The following SGSH variants were observed in gnomAD, a reference collection of about 807,000 sequenced individuals.
SGSH encodes the protein N-sulfoglucosamine sulfohydrolase.
A neutral mutation model predicts 51.0 loss-of-function variants in SGSH; 48 were observed. That is an observed-to-expected ratio of 0.94 (90% confidence interval 0.75 to 1.20). SGSH has a LOEUF of 1.20. Among genes scored for constraint, SGSH ranks in the 50% most tolerant of loss-of-function variants. The pLI is 0.00. For synonymous variants in SGSH, 321 were observed against 313.4 expected (o/e 1.02, Z -0.26); for missense variants, 662 against 717.8 (o/e 0.92, Z 0.89).
chr17:80,203,385 C>T (rs1380332916), downstream of SGSH: 2 of 171,980 alleles, frequency 1.2e-5, no homozygotes, highest in African/African-American at 4.8e-5. The surrounding 1 kb of genome is among the most constrained non-coding windows in gnomAD (Gnocchi z 4.6). Flanking sequence ...GCTCAGCACC[C>T]CCATCACTCA....
downstream of SGSH, chr17:80,204,326 C>T: frequency 1.3e-6 from 2 of 1,581,060 alleles, no homozygotes; most frequent in Non-Finnish European, 1.7e-6. Context: ...CCAGTTGGAC[C>T]CCAGCAGGAT....
Position 80,217,081 on chromosome 17 carries a change from A to G in SGSH, c.200T>C (p.Val67Ala). The change falls in exon 2 of 8, where the codon GTC becomes GCC. Residue 67 changes from valine (V) to alanine (A), a missense_variant. Val to Ala is a moderately conservative substitution (Grantham distance 64). Coordinates refer to ENST00000326317, the MANE Select transcript of SGSH (RefSeq NM_000199.5). The stretch of plus-strand genomic sequence containing the variant: ...GGCGCGGCTGGGAGAGCAGCTGCTG[A>G]CCGAGGTGAAGGCATTGCGAAAGAG... Reference protein sequence around the residue: ...SLLFRNAFTSVSSCSPSRASL... With the variant: ...SLLFRNAFTSASSCSPSRASL... The G allele has an allele frequency of 6.3e-7, 1 of 1,599,692 alleles. No homozygotes were observed. The highest frequency in any genetic ancestry group is 8.5e-7 in the Non-Finnish European group (1 of 1,175,170).
chr17:80,212,365 G>A lies in SGSH; in HGVS notation c.746-91C>T, dbSNP rs2041704365. On this transcript the variant is annotated intron_variant, in intron 6 of 7. Coordinates refer to ENST00000326317, the MANE Select transcript of SGSH (RefSeq NM_000199.5). The surrounding 1 kb of genome is among the most constrained non-coding windows in gnomAD (Gnocchi z 5.9). ...GTAGACCCACCTGCTGCTGCATCCGGCCGCTGGGCTCCAGCGCTTTCCGGA... is the reference window on the plus strand; with the variant it reads ...GTAGACCCACCTGCTGCTGCATCCGACCGCTGGGCTCCAGCGCTTTCCGGA... 8 of 1,143,832 alleles carry A rather than the reference G, an allele frequency of 7.0e-6. No individual in the cohort carries two copies. Among genetic ancestry groups the A allele is most frequent in the Non-Finnish European group, 1.0e-5 (8 of 780,512 alleles). The allele number at this position is 1,143,832 out of a possible 1,614,324, so 70.9% of individuals were successfully genotyped here.
chr17:80,203,802 G>A, downstream of SGSH: 1 of 1,557,044 alleles, frequency 6.4e-7, no homozygotes, highest in Non-Finnish European at 8.7e-7. This position sits in a 1 kb window ranked among gnomAD's most constrained non-coding sequence, Gnocchi z 4.6. Flanking sequence ...CTGGGTCAGG[G>A]CCTCTGCTGG....
downstream of SGSH, chr17:80,205,598 G>A (rs1377521059): frequency 1.3e-6 from 2 of 1,571,044 alleles, no homozygotes; most frequent in Non-Finnish European, 1.7e-6. Context: ...AGGGAGAGGT[G>A]TCCGGGGGCC....
chr17:80,215,041 A>C lies in SGSH; in HGVS notation c.347T>G (p.Val116Gly), dbSNP rs148347556. Residue 116 changes from valine to glycine, a missense_variant, in exon 3 of 8, where the codon GTG (valine) becomes GGG (glycine). Val to Gly is a moderately radical substitution (Grantham distance 109, BLOSUM62 -3). Transcript: ENST00000326317. The part of the protein sequence containing the change: ...SLPLLLSQAG[V>G]RTGIIGKKHV... The stretch of plus-strand genomic sequence containing the variant: ...CGGCACGGGGTCCTCACCTGTGCGC[A>C]CACCAGCTTGGCTGAGCAGCAGCGG... 1.2e-6 allele frequency: 2 copies of C among 1,610,566 alleles called. No individual in the cohort carries two copies. Among genetic ancestry groups the C allele is most frequent in the Non-Finnish European group, 1.7e-6 (2 of 1,179,776 alleles).
chr17:80,201,567 G>A, the SGSH span: 40 of 673,426 alleles, frequency 5.9e-5, no homozygotes, highest in Non-Finnish European at 9.0e-5. The surrounding 1 kb of genome is among the most constrained non-coding windows in gnomAD (Gnocchi z 5.0). Flanking sequence ...CATCACTAGA[G>A]GTGTGAAGGC....
At chr17:80,203,692 G>A (rs1015926103), downstream of SGSH, 39 of 639,624 alleles carry the variant, frequency 6.1e-5, no homozygotes, top group African/African-American at 6.7e-4. The surrounding 1 kb of genome is among the most constrained non-coding windows in gnomAD (Gnocchi z 4.6). Flanking sequence ...GCAAAGGGAT[G>A]TGTGGAGCTC....
chr17:80,210,960 G>A lies in SGSH; in HGVS notation c.1001C>T (p.Ala334Val), dbSNP rs2041629981. 1 of 1,602,266 alleles carries A rather than the reference G, an allele frequency of 6.2e-7. No individual in the cohort carries two copies. Among genetic ancestry groups the A allele is most frequent in the Non-Finnish European group, 8.5e-7 (1 of 1,179,890 alleles). ...DWFSIPYPSYAIFGSKTIHLT... is the reference protein window; with the variant it reads ...DWFSIPYPSYVIFGSKTIHLT... Reference sequence around the variant, plus strand: ...GTGGATGGTCTTCGAGCCAAAGATGGCGTAGCTGGGGTACGGGATCGAGAA... The same window carrying A: ...GTGGATGGTCTTCGAGCCAAAGATGACGTAGCTGGGGTACGGGATCGAGAA... The change falls in exon 8 of 8, where the codon GCC becomes GTC. Residue 334 changes from alanine to valine, a missense_variant. By Grantham distance (64) the Ala-to-Val change is moderately conservative. Transcript: ENST00000326317.
At chr17:80,211,769 G>A in intron 7 of SGSH, 1 of 465,342 alleles carries the variant, frequency 2.1e-6, no homozygotes. Flanking sequence ...ATATTAACAA[G>A]CATCCCAGGT....
intron 4 of SGSH, 48 bp downstream of exon 4, chr17:80,214,567 C>T (rs374110235): frequency 3.1e-6 from 5 of 1,587,746 alleles, no homozygotes; most frequent in Non-Finnish European, 4.3e-6. Context: ...CCGGGCTGTG[C>T]TCTGGTACCG....
downstream of SGSH, chr17:80,203,850 C>T: frequency 6.3e-7 from 1 of 1,593,892 alleles, no homozygotes; most frequent in Non-Finnish European, 8.5e-7. The surrounding 1 kb of genome is among the most constrained non-coding windows in gnomAD (Gnocchi z 4.6). Context: ...AGCCCTCATC[C>T]AGGACATGAC....
chr17:80,206,789 A>C, downstream of SGSH: 1 of 412,444 alleles, frequency 2.4e-6, no homozygotes, highest in Non-Finnish European at 4.3e-6. Flanking sequence ...AATAAAAATA[A>C]AAAAAAGAGA....
intron 7 of SGSH, 40 bp from the exon 8 acceptor site, chr17:80,211,051 G>A: frequency 6.3e-7 from 1 of 1,597,022 alleles, no homozygotes; most frequent in Non-Finnish European, 8.5e-7. Context: ...AGAGCCCTCA[G>A]CACACAGGAG....
chr17:80,217,964 A>AT (rs1354257796), intron 1 of SGSH, among the ~76,000 whole-genome samples: 1 of 151,870 alleles, frequency 6.6e-6, no homozygotes, highest in African/African-American at 2.4e-5. Flanking sequence ...GTACCCAGGC[A>AT]AGCCTGGTAC....
In SGSH at chr17:80,209,351, C is replaced by T. The variant is rs960292450; in HGVS notation, c.*1101G>A. On this transcript the variant is annotated 3_prime_UTR_variant, in exon 8 of 8. Coordinates refer to ENST00000326317, the MANE Select transcript of SGSH (RefSeq NM_000199.5). ...ACAATAGCTGGCCTGTGGCCTCCTC[C>T]AGCCCACCCCAGTATGGAGTGATAG... 1.4e-5 allele frequency: 14 copies of T among 985,268 alleles called. No homozygotes were observed. Among genetic ancestry groups the T allele is most frequent in the Non-Finnish European group, 1.6e-5 (13 of 829,918 alleles). The allele number at this position is 985,268 out of a possible 1,614,324, so 61.0% of individuals were successfully genotyped here. A position where few individuals can be genotyped will look rare whatever the true frequency, so the allele number is the denominator to read the frequency against.
downstream of SGSH, chr17:80,202,655 C>T (rs2144470900): frequency 7.4e-7 from 1 of 1,359,330 alleles, no homozygotes; most frequent in South Asian, 1.6e-5. Flanking sequence ...GGTTTCTTAG[C>T]TCTGGGTTTC....
At chr17:80,208,357 C>A, downstream of SGSH, 1 of 1,577,928 alleles carries the variant, frequency 6.3e-7, no homozygotes, top group Non-Finnish European at 8.6e-7. Context: ...GCACCGTGCC[C>A]CTTCCCGGGA....
In SGSH at chr17:80,212,683, T is replaced by C; in HGVS notation, c.746-409A>G. 9.3e-6 allele frequency: 3 copies of C among 323,514 alleles called. No individual in the cohort carries two copies. The highest frequency in any genetic ancestry group is 2.7e-5 in the South Asian group (1 of 36,482). The allele number at this position is 323,514 out of a possible 1,614,324, so 20.0% of individuals were successfully genotyped here. On this transcript the variant is annotated intron_variant, in intron 6 of 7. Transcript: ENST00000326317. This position sits in a 1 kb window ranked among gnomAD's most constrained non-coding sequence, Gnocchi z 5.9. The stretch of plus-strand genomic sequence containing the variant: ...GGGCCAGAGGACAAGGCTTCCTCTA[T>C]ACCCGCTCCTTCCCAGCTCACTAAG...
Sources: gnomAD v4.1 joint callset for allele counts (sites outside exome capture counted in the v4.1 genomes callset) on GRCh38, gnomAD v4.1.1 for gene constraint, Gnocchi (gnomAD v3.1) non-coding constraint, MANE v1.5 for transcripts, NCBI Gene and HGNC (gene_info 2026-07-23, HGNC 2026-07-21) for gene names.